Variants in FURIN observed in about 807,000 individuals in gnomAD.
The protein encoded by FURIN is FES upstream region.
FURIN carries 18 observed loss-of-function variants against 89.2 expected under a neutral mutation model. The observed-to-expected ratio is 0.20, with a 90% confidence interval of 0.14 to 0.30. FURIN has a LOEUF of 0.30. Among genes scored for constraint, FURIN ranks in the 10% least tolerant of loss-of-function variants. The pLI is 1.00. For missense variants in FURIN, 879 were observed against 1,100.5 expected, an observed-to-expected ratio of 0.80 and a Z score of 2.85; for synonymous variants, 508 against 466.4, an observed-to-expected ratio of 1.09 and a Z score of -1.15.
rs982584368 is a variant in FURIN, at chr15:90,875,654, A to G, written c.-87A>G. ...CCCCCACCAGTCAGCCCCGGGCCAC[A>G]GGCAGTGAGCAGGCACCTGGGAGCC... is the stretch of plus-strand genomic sequence containing the variant. On this transcript the variant is annotated 5_prime_UTR_variant, in exon 2 of 16. Coordinates refer to ENST00000268171, the MANE Select transcript of FURIN (RefSeq NM_002569.4). 4.8e-5 allele frequency: 59 copies of G among 1,241,374 alleles called. No individual in the cohort carries two copies. The highest frequency in any genetic ancestry group is 6.0e-5 in the Non-Finnish European group (55 of 912,942). 76.9% of individuals were successfully genotyped at this position (1,241,374 alleles called of 1,614,324 possible). A position where few individuals can be genotyped will look rare whatever the true frequency, so the allele number is the denominator to read the frequency against.
rs2151225396 is a variant in FURIN, at chr15:90,878,386, A to G, written c.840+82A>G. ...TATCTTGTGTTTTTTGGTTTGTTTT[A>G]TTTATTCTCATGTTTAACTTTACAC... is the stretch of plus-strand genomic sequence containing the variant. On this transcript the variant is annotated intron_variant, in intron 8 of 15. Transcript: ENST00000268171. The G allele has an allele frequency of 1.4e-5, 16 of 1,151,834 alleles. No individual in the cohort carries two copies. In the South Asian group the frequency reaches 2.2e-4, roughly 16 times the overall value. 71.4% of individuals were successfully genotyped at this position (1,151,834 alleles called of 1,614,324 possible).
chr15:90,881,053 T>C lies in FURIN; in HGVS notation c.1792+13T>C. 1 of 1,582,764 alleles carries C rather than the reference T, an allele frequency of 6.3e-7. No individual in the cohort carries two copies. Among genetic ancestry groups the C allele is most frequent in the Non-Finnish European group, 8.7e-7 (1 of 1,151,526 alleles). On this transcript the variant is annotated intron_variant, in intron 15 of 15. Transcript: ENST00000268171. This position sits in a 1 kb window ranked among gnomAD's most constrained non-coding sequence, Gnocchi z 4.3. ...CAGGCCTGTGTGGGTCAGTAGTGGG[T>C]GCTGTTGGGCTTTGGGGGCCTGAGT...
chr15:90,879,596 G>C (rs746225268), intron 10 of FURIN, 52 bp downstream of exon 10: 6 of 1,564,066 alleles, frequency 3.8e-6, no homozygotes, highest in Non-Finnish European at 4.4e-6. Flanking sequence ...ACTCTCTGTA[G>C]GGCAGCCCTT....
rs999674971 is a variant in FURIN, at chr15:90,875,620, G to T, written c.-121G>T. Reference sequence around the variant, plus strand: ...CACCCTCCCGAGCCCTGCCCGTCTCGGCCCCATGCCCCCACCAGTCAGCCC... The same window carrying T: ...CACCCTCCCGAGCCCTGCCCGTCTCTGCCCCATGCCCCCACCAGTCAGCCC... On this transcript the variant is annotated 5_prime_UTR_variant, in exon 2 of 16. Coordinates refer to ENST00000268171, the MANE Select transcript of FURIN (RefSeq NM_002569.4). The T allele has an allele frequency of 2.4e-6, 2 of 835,720 alleles. No homozygotes were observed. Among genetic ancestry groups the T allele is most frequent in the Non-Finnish European group, 3.6e-6 (2 of 555,382 alleles). The allele number at this position is 835,720 out of a possible 1,614,324, so 51.8% of individuals were successfully genotyped here.
In FURIN at chr15:90,881,726, C is replaced by CG. The variant is rs775711220; in HGVS notation, c.2239dup (p.Val747GlyfsTer19). ...GCAGCTGCGCTCTGGCTTTAGTTTT[C>CG]GGGGGGTGAAGGTGTACACCATGGA... On this transcript the variant is annotated frameshift_variant, in exon 16 of 16. Coordinates refer to ENST00000268171, the MANE Select transcript of FURIN (RefSeq NM_002569.4). LOFTEE classifies it high-confidence loss of function. This position sits in a 1 kb window ranked among gnomAD's most constrained non-coding sequence, Gnocchi z 4.3. 6.3e-7 allele frequency: 1 copy of CG among 1,598,640 alleles called. No individual in the cohort carries two copies. Among genetic ancestry groups the CG allele is most frequent in the Non-Finnish European group, 8.5e-7 (1 of 1,171,348 alleles).
Position 90,880,967 on chromosome 15 carries a change from C to A in FURIN, c.1719C>A (p.Thr573=). 1 of 1,614,022 alleles carries A rather than the reference C, an allele frequency of 6.2e-7. No individual in the cohort carries two copies. Reference sequence around the variant, plus strand: ...AGTTCACCCTCGTACTCTATGGCACCGCCCCTGAGGGGCTGCCCGTACCTC... The same window carrying A: ...AGTTCACCCTCGTACTCTATGGCACAGCCCCTGAGGGGCTGCCCGTACCTC... The part of the protein sequence containing the change: ...LTKFTLVLYG[T]APEGLPVPPE... Residue 573 remains threonine (T), a synonymous_variant, in exon 15 of 16, where the codon ACC becomes ACA. Transcript: ENST00000268171.
intron 14 of FURIN, 57 bp downstream of exon 14, chr15:90,880,872 G>T: frequency 6.2e-7 from 1 of 1,610,742 alleles, no homozygotes; most frequent in Non-Finnish European, 8.5e-7. Context: ...AGGATCTCGA[G>T]CACTGGGTGT....
Position 90,879,515 on chromosome 15 carries a change from C to A in FURIN, c.1125C>A (p.Ala375=), listed in dbSNP as rs201433527. The A allele has an allele frequency of 1.9e-6, 3 of 1,612,932 alleles. No homozygotes were observed. In the African/African-American group the frequency reaches 4.0e-5, roughly 21 times the overall value. ...CCTCAGCCTCTGCCCCCTTAGCAGC[C>A]GGCATCATTGCTCTCACCCTGGAGG... ...TGTSASAPLA[A]GIIALTLEAN... is the part of the protein sequence containing the mutation. The change falls in exon 10 of 16, where the codon GCC becomes GCA. Residue 375 remains alanine, a synonymous_variant. Coordinates refer to ENST00000268171, the MANE Select transcript of FURIN (RefSeq NM_002569.4).
At chr15:90,873,320 C>G (rs17514846) in intron 1 of FURIN, among the ~76,000 whole-genome samples, 2 of 151,916 alleles carry the variant, frequency 1.3e-5, no homozygotes, top group Non-Finnish European at 2.9e-5. Flanking sequence ...TTGCGCCTGA[C>G]GCCTGCTTTC....
intron 1 of FURIN, among the ~76,000 whole-genome samples, chr15:90,869,177 C>T (rs542348008): frequency 3.9e-5 from 6 of 152,312 alleles, no homozygotes; most frequent in African/African-American, 1.2e-4. Context: ...CCCCCACTTA[C>T]CCATCAGGCC....
At chr15:90,879,171 C>T (rs2031800829) in intron 9 of FURIN, among the ~76,000 whole-genome samples, 195 bp downstream of exon 9, 1 of 152,202 alleles carries the variant, frequency 6.6e-6, no homozygotes, top group Non-Finnish European at 1.5e-5. Flanking sequence ...TTTGAAAAGC[C>T]TAGACTCTCT....
Position 90,879,736 on chromosome 15 carries a change from A to G in FURIN, c.1220A>G (p.Asn407Ser), listed in dbSNP as rs147904503. 7.0e-5 allele frequency: 113 copies of G among 1,613,832 alleles called. No homozygotes were observed. Among genetic ancestry groups the G allele is most frequent in the African/African-American group, 1.9e-4 (14 of 75,066 alleles). Reference sequence around the variant, plus strand: ...CAGACCTCGAAGCCAGCCCACCTCAATGCCAACGACTGGGCCACCAATGGT... The same window carrying G: ...CAGACCTCGAAGCCAGCCCACCTCAGTGCCAACGACTGGGCCACCAATGGT... ...VVQTSKPAHL[N>S]ANDWATNGVG... Residue 407 changes from asparagine to serine, a missense_variant, in exon 11 of 16, where the codon AAT (asparagine) becomes AGT (serine). Coordinates refer to ENST00000268171, the MANE Select transcript of FURIN (RefSeq NM_002569.4).
rs543129806 is a variant in FURIN at position 90,879,825 on chromosome 15, C to T, written c.1259-42C>T. 80 of 1,607,564 alleles carry T rather than the reference C, an allele frequency of 5.0e-5. 2 individuals are homozygous for T. In the South Asian group the frequency reaches 8.1e-4, roughly 16 times the overall value. ...TGGATGTGGAGTTAGGTAGAAGGCA[C>T]TCTGTGCCTGACAGCTGACCCTACC... On this transcript the variant is annotated intron_variant, in intron 11 of 15. Transcript: ENST00000268171.
intron 1 of FURIN, among the ~76,000 whole-genome samples, chr15:90,874,063 G>T (rs1169804499): frequency 6.6e-6 from 1 of 152,180 alleles, no homozygotes; most frequent in African/African-American, 2.4e-5. Context: ...AGTGCTAAGG[G>T]CATCCAGGGC....
At chr15:90,871,453 C>G (rs1405578028) in intron 1 of FURIN, 1 of 150,144 alleles carries the variant, frequency 6.7e-6, no homozygotes, top group Non-Finnish European at 1.5e-5. Flanking sequence ...CCCAGAAGGC[C>G]CCGCAGGGCC....
chr15:90,870,219 A>G (rs2031223499), intron 1 of FURIN, among the ~76,000 whole-genome samples: 1 of 152,250 alleles, frequency 6.6e-6, no homozygotes, highest in Non-Finnish European at 1.5e-5. Flanking sequence ...AAGGTGTCCC[A>G]GCAAAAAATA....
At chr15:90,878,055 G>C (rs1304941984) in intron 7 of FURIN, 77 bp from the exon 8 acceptor site, 2 of 1,438,296 alleles carry the variant, frequency 1.4e-6, no homozygotes, top group Non-Finnish European at 1.9e-6. Flanking sequence ...TGCAGGGCTG[G>C]GTGTGCTCCT....
At chr15:90,877,807 C>G (rs769594013) in intron 7 of FURIN, among the ~76,000 whole-genome samples, 192 bp downstream of exon 7, 61 of 152,214 alleles carry the variant, frequency 4.0e-4, no homozygotes, top group Non-Finnish European at 8.1e-4. Flanking sequence ...GGTTTCCTAG[C>G]AGGAGTCTCC....
At chr15:90,879,084 T>C in intron 9 of FURIN, 108 bp downstream of exon 9, 3 of 718,786 alleles carry the variant, frequency 4.2e-6, no homozygotes, top group East Asian at 2.7e-5. Flanking sequence ...GGCTGGGTGA[T>C]AGTGGCTCAG....
Sources: allele counts gnomAD v4.1 joint callset (sites outside exome capture counted in the v4.1 genomes callset), GRCh38; gene constraint gnomAD v4.1.1; non-coding constraint Gnocchi (gnomAD v3.1); transcripts MANE v1.5; gene names NCBI Gene and HGNC (gene_info 2026-07-23, HGNC 2026-07-21).